SERPINE2: variants seen among roughly 807,000 people sequenced by gnomAD.
SERPINE2 encodes glia-derived nexin.
SERPINE2 carries 14 observed loss-of-function variants against 36.3 expected under a neutral mutation model. The ratio of observed to expected loss-of-function variants is 0.39; its 90% CI spans 0.25 to 0.60. The LOEUF (loss-of-function observed/expected upper bound fraction) is 0.60. Ranked by LOEUF, SERPINE2 falls within the 20% of genes least tolerant of loss-of-function variation. The probability of loss-of-function intolerance (pLI) is 0.57; values close to 1 mark genes in which losing one functional copy is unlikely to be tolerated. For missense variants in SERPINE2, 418 were observed against 499.6 expected (o/e 0.84, Z 1.56); for synonymous variants, 192 against 191.8 (o/e 1.00, Z -0.01).
chr2:223,979,415 G>A (rs1363003796), intron 7 of SERPINE2: 1 of 152,120 alleles, frequency 6.6e-6, no homozygotes, highest in Non-Finnish European at 1.5e-5. Flanking sequence ...CTTCTTTAAA[G>A]GAATTTTTAA....
At chr2:224,029,640 C>A (rs1692292691) in intron 1 of SERPINE2, among the ~76,000 whole-genome samples, 1 of 152,198 alleles carries the variant, frequency 6.6e-6, no homozygotes, top group East Asian at 1.9e-4. Context: ...CTGGATGCTA[C>A]CCTTGCAGAG....
chr2:224,025,693 C>T (rs1037347678), intron 1 of SERPINE2, among the ~76,000 whole-genome samples: 1 of 152,226 alleles, frequency 6.6e-6, no homozygotes, highest in African/African-American at 2.4e-5. Context: ...AAGCACAGCA[C>T]CTCCTTACCT....
rs180709063 is a variant in SERPINE2 at position 223,994,114 on chromosome 2, T to C, written c.488-2114A>G. 1.8e-3 allele frequency among the ~76,000 whole-genome samples: 275 copies of C among 152,322 alleles called. 2 individuals are homozygous for C. Among genetic ancestry groups the C allele is most frequent in the African/African-American group, 6.4e-3 (267 of 41,574 alleles). ...CTCGCCACCTCCTAAGAGATGTCTC[T>C]GCTCCCGATTTCTGTAAAGCCCAAT... On this transcript the variant is annotated intron_variant, in intron 3 of 8. Coordinates refer to ENST00000409304, the MANE Select transcript of SERPINE2 (RefSeq NM_001136528.2).
intron 1 of SERPINE2, among the ~76,000 whole-genome samples, chr2:224,025,561 A>C (rs989448553): frequency 3.9e-5 from 6 of 152,192 alleles, no homozygotes; most frequent in African/African-American, 1.2e-4. Context: ...CACATACCCT[A>C]TGAGTTAGAA....
At chr2:223,976,441 C>G (rs1286093565) in intron 8 of SERPINE2, among the ~76,000 whole-genome samples, 2 of 152,090 alleles carry the variant, frequency 1.3e-5, no homozygotes, top group African/African-American at 2.4e-5. Context: ...CATAAGCCAC[C>G]GCACCCAACC....
intron 1 of SERPINE2, among the ~76,000 whole-genome samples, chr2:224,007,953 CTT>C (rs1553547589): frequency 6.6e-6 from 1 of 152,192 alleles, no homozygotes; most frequent in African/African-American, 2.4e-5. Flanking sequence ...TCTGGCCACG[CTT>C]TTTTCTTTGT....
Position 224,036,256 on chromosome 2 carries a change from C to T in SERPINE2, c.-23+2843G>A, listed in dbSNP as rs1344689568. Among the ~76,000 whole-genome samples the T allele has an allele frequency of 3.3e-5, 5 of 150,230 alleles. No individual in the cohort carries two copies. In the Admixed American group the frequency reaches 3.3e-4, roughly 10 times the overall value. On this transcript the variant is annotated intron_variant, in intron 1 of 8. Coordinates refer to ENST00000409304, the MANE Select transcript of SERPINE2 (RefSeq NM_001136528.2). ...AATACACAGAGCACAAAAGGGATGACAGCGAACCCTGGGTAACCCCAAGAG... is the reference window on the plus strand; with the variant it reads ...AATACACAGAGCACAAAAGGGATGATAGCGAACCCTGGGTAACCCCAAGAG...
intron 1 of SERPINE2, among the ~76,000 whole-genome samples, chr2:224,008,585 C>G (rs1385237829): frequency 6.6e-6 from 1 of 152,222 alleles, no homozygotes; most frequent in Non-Finnish European, 1.5e-5. Context: ...CTTAAACCTT[C>G]TGATACAACC....
intron 1 of SERPINE2, among the ~76,000 whole-genome samples, chr2:224,009,216 C>A: frequency 6.6e-6 from 1 of 152,150 alleles, no homozygotes; most frequent in Non-Finnish European, 1.5e-5. Context: ...AAAGCTGACA[C>A]CTTCTCAGGC....
intron 1 of SERPINE2, among the ~76,000 whole-genome samples, chr2:224,022,237 T>G (rs11681120): frequency 0.94 from 139,174 of 147,462 alleles, 65,949 homozygotes; most frequent in Non-Finnish European, 0.99. Flanking sequence ...GAGGCTGAGG[T>G]GGGAGAATCA....
chr2:223,991,337 C>A (rs1338967199), intron 4 of SERPINE2, among the ~76,000 whole-genome samples: 1 of 152,194 alleles, frequency 6.6e-6, no homozygotes, highest in Non-Finnish European at 1.5e-5. Context: ...CTGCCACGAA[C>A]AGTGCCCAAG....
intron 1 of SERPINE2, among the ~76,000 whole-genome samples, chr2:224,023,049 T>G (rs1053019719): frequency 4.6e-5 from 7 of 152,168 alleles, no homozygotes; most frequent in African/African-American, 1.7e-4. Flanking sequence ...GAACTGTGAG[T>G]CAATTAAACC....
chr2:223,998,879 A>G (rs10196778), intron 2 of SERPINE2, among the ~76,000 whole-genome samples: 40,111 of 152,090 alleles, frequency 0.26, 6,440 homozygotes, highest in African/African-American at 0.46. Flanking sequence ...TCAAAACAGG[A>G]ATATTCAAGG....
chr2:223,982,396 G>T, intron 6 of SERPINE2: 2 of 275,186 alleles, frequency 7.3e-6, no homozygotes, highest in South Asian at 9.7e-5. Context: ...CGGGGGAGGG[G>T]TGTACTAAAA....
At position 224,018,089 on chromosome 2, in the gene SERPINE2, G is replaced by A. The variant is rs572598272; in HGVS notation, c.-22-16167C>T. 2.8e-4 allele frequency among the ~76,000 whole-genome samples: 42 copies of A among 152,272 alleles called. 1 individual carries two copies. The highest frequency in any genetic ancestry group is 9.6e-4 in the African/African-American group (40 of 41,562). ...GGTCCTCAGGGAAGGTGACTTGAGA[G>A]GCCTTGCCCTCCCCAGGGGAAGCAG... On this transcript the variant is annotated intron_variant, in intron 1 of 8. Coordinates refer to ENST00000409304, the MANE Select transcript of SERPINE2 (RefSeq NM_001136528.2).
At chr2:224,031,162 C>T in intron 1 of SERPINE2, 1 of 985,442 alleles carries the variant, frequency 1.0e-6, no homozygotes, top group Non-Finnish European at 1.2e-6. Context: ...ACGGTTCACA[C>T]ATCTACAGAC....
intron 1 of SERPINE2, among the ~76,000 whole-genome samples, chr2:224,034,341 A>C (rs1258664199): frequency 6.6e-6 from 1 of 152,176 alleles, no homozygotes; most frequent in Non-Finnish European, 1.5e-5. Context: ...CAGACAATGA[A>C]CACAGGAGGA....
intron 1 of SERPINE2, among the ~76,000 whole-genome samples, chr2:224,005,241 GA>G (rs1364965820): frequency 1.3e-5 from 2 of 151,634 alleles, no homozygotes; most frequent in Non-Finnish European, 2.9e-5. Flanking sequence ...TTCGCTAAAA[GA>G]ACAGTTTTCC....
At chr2:223,980,083 T>C in intron 7 of SERPINE2, 1 of 447,414 alleles carries the variant, frequency 2.2e-6, no homozygotes, top group Non-Finnish European at 4.0e-6. Flanking sequence ...ACTCCTGTCC[T>C]AGAGGAATTT....
Sources: allele counts gnomAD v4.1 joint callset (sites outside exome capture counted in the v4.1 genomes callset), GRCh38; gene constraint gnomAD v4.1.1; transcripts MANE v1.5; gene names NCBI Gene and HGNC (gene_info 2026-07-23, HGNC 2026-07-21).